Variants in DLG2 observed in about 807,000 individuals in gnomAD.
The protein encoded by DLG2 is disks large homolog 2.
A neutral mutation model predicts 132.5 loss-of-function variants in DLG2; 45 were observed. The observed-to-expected ratio is 0.34, with a 90% CI of 0.27 to 0.44. The LOEUF is 0.44. DLG2 is among the 20% of genes least tolerant of loss of function. The pLI is 1.00. For synonymous variants in DLG2, 424 were observed against 419.6 expected (o/e 1.01, Z -0.13); for missense variants, 1,045 against 1,196.9 (o/e 0.87, Z 1.87).
chr11:85,208,083 A>G (rs1022425064), intron 4 of DLG2, among the ~76,000 whole-genome samples: 1 of 152,102 alleles, frequency 6.6e-6, no homozygotes, highest in Non-Finnish European at 1.5e-5. Flanking sequence ...TAGATATTTT[A>G]TAGAACTTAC....
intron 3 of DLG2, among the ~76,000 whole-genome samples, chr11:85,349,184 T>C (rs2152875705): frequency 6.6e-6 from 1 of 152,200 alleles, no homozygotes; most frequent in East Asian, 1.9e-4. Flanking sequence ...TGTTTGTAGA[T>C]AAACAAATAC....
At chr11:83,463,495 A>G (rs1466911941) in intron 26 of DLG2, among the ~76,000 whole-genome samples, 1 of 152,252 alleles carries the variant, frequency 6.6e-6, no homozygotes, top group African/African-American at 2.4e-5. Context: ...CCAGATGTCA[A>G]GAAATCATGT....
intron 6 of DLG2, among the ~76,000 whole-genome samples, chr11:84,648,411 G>C (rs757969377): frequency 7.2e-5 from 11 of 152,160 alleles, no homozygotes; most frequent in Non-Finnish European, 1.5e-4. Context: ...GATGCAAGTA[G>C]ATAAAATTTG....
chr11:84,938,946 A>C (rs2049064165), intron 6 of DLG2, among the ~76,000 whole-genome samples: 1 of 152,250 alleles, frequency 6.6e-6, no homozygotes, highest in Non-Finnish European at 1.5e-5. Context: ...AAAATTAAGC[A>C]CATTCAAAAT....
At chr11:84,295,471 A>G (rs2098077732) in intron 7 of DLG2, among the ~76,000 whole-genome samples, 2 of 152,128 alleles carry the variant, frequency 1.3e-5, no homozygotes, top group Admixed American at 1.3e-4. Context: ...TTTTCACTGT[A>G]TTCTCTTCTG....
At chr11:83,485,326 T>C (rs1190100381) in intron 21 of DLG2, among the ~76,000 whole-genome samples, 1 of 152,182 alleles carries the variant, frequency 6.6e-6, no homozygotes, top group African/African-American at 2.4e-5. Context: ...GCAAATGTTT[T>C]GTGGGGTTTC....
At chr11:84,686,630 G>GTTTTTTTTTTTTTTTT (rs60618412) in intron 6 of DLG2, among the ~76,000 whole-genome samples, 2 of 113,806 alleles carry the variant, frequency 1.8e-5, no homozygotes, top group African/African-American at 3.4e-5. Context: ...TGGCCTTGAG[G>GTTTTTTTTTTTTTTTT]TTTTTTTTTT....
intron 10 of DLG2, among the ~76,000 whole-genome samples, chr11:84,097,982 C>G (rs1235900568): frequency 1.1e-4 from 16 of 151,184 alleles, no homozygotes. Flanking sequence ...TACTCTCTAT[C>G]ACTGAGAAGT....
chr11:84,292,048 A>G (rs2098007896), intron 7 of DLG2, among the ~76,000 whole-genome samples: 1 of 152,174 alleles, frequency 6.6e-6, no homozygotes, highest in African/African-American at 2.4e-5. Flanking sequence ...AATTGACATC[A>G]TGACGGAATG....
Position 84,116,820 on chromosome 11 carries a change from A to G in DLG2, c.625-17773T>C, listed in dbSNP as rs77129106. On this transcript the variant is annotated intron_variant, in intron 9 of 27. Coordinates refer to ENST00000376104, the MANE Select transcript of DLG2 (RefSeq NM_001142699.3). ...TCAGTATATTTTAAGTGTCAAATGA[A>G]TGTTAGAGGGACAAGTGAAACGTGC... Among the ~76,000 whole-genome samples the G allele has an allele frequency of 1.5e-3, 222 of 152,320 alleles. 1 individual carries two copies. The highest frequency in any genetic ancestry group is 5.1e-3 in the African/African-American group (210 of 41,578).
intron 18 of DLG2, among the ~76,000 whole-genome samples, chr11:83,691,344 G>A (rs1342055397): frequency 1.3e-5 from 2 of 152,080 alleles, no homozygotes; most frequent in African/African-American, 4.8e-5. Flanking sequence ...CTCCTATCTA[G>A]CTTTTAATAT....
intron 6 of DLG2, among the ~76,000 whole-genome samples, chr11:84,685,788 C>G (rs976415916): frequency 6.6e-5 from 10 of 152,204 alleles, no homozygotes; most frequent in African/African-American, 1.9e-4. Context: ...TCACTGCAAG[C>G]TCCGCCCCCT....
intron 11 of DLG2, among the ~76,000 whole-genome samples, chr11:84,030,633 T>C (rs1478305803): frequency 6.6e-6 from 1 of 152,170 alleles, no homozygotes; most frequent in East Asian, 1.9e-4. Context: ...GAGAAAGGGG[T>C]TCAATGGGTT....
chr11:84,113,869 T>C (rs1312735172), intron 9 of DLG2, among the ~76,000 whole-genome samples: 1 of 152,152 alleles, frequency 6.6e-6, no homozygotes, highest in East Asian at 1.9e-4. Context: ...AGAATGACCA[T>C]TTGTCAAGTT....
chr11:83,517,264 AT>A (rs1188393546), intron 21 of DLG2, among the ~76,000 whole-genome samples: 1 of 152,068 alleles, frequency 6.6e-6, no homozygotes, highest in Non-Finnish European at 1.5e-5. Flanking sequence ...GCTTCATTTC[AT>A]TCATTTGATC....
At chr11:84,181,770 T>C (rs2096134915) in intron 8 of DLG2, among the ~76,000 whole-genome samples, 1 of 152,174 alleles carries the variant, frequency 6.6e-6, no homozygotes, top group Middle Eastern at 3.2e-3. Context: ...CAAGATAAAT[T>C]ATCAGAGATA....
At chr11:84,946,809 G>T (rs2050264128) in intron 6 of DLG2, among the ~76,000 whole-genome samples, 2 of 152,150 alleles carry the variant, frequency 1.3e-5, no homozygotes, top group Admixed American at 6.5e-5. Context: ...CAGTTATTGT[G>T]GCCTTGACTG....
chr11:83,853,857 C>T lies in DLG2; in HGVS notation c.1566-20087G>A, dbSNP rs116404866. Among the ~76,000 whole-genome samples the T allele has an allele frequency of 5.5e-3, 838 of 152,228 alleles. 6 individuals are homozygous for T. The highest frequency in any genetic ancestry group is 0.019 in the African/African-American group (791 of 41,552). On this transcript the variant is annotated intron_variant, in intron 16 of 27. Coordinates refer to ENST00000376104, the MANE Select transcript of DLG2 (RefSeq NM_001142699.3). ...GTTCCCTTTCACCACCGCCTTTCGT[C>T]ATCATACTGCAAGTTCTAGTTAATA...
intron 3 of DLG2, among the ~76,000 whole-genome samples, chr11:85,561,766 A>AAGTCTTC (rs1290957218): frequency 6.6e-6 from 1 of 151,880 alleles, no homozygotes; most frequent in East Asian, 1.9e-4. Context: ...TCAGATCTCT[A>AAGTCTTC]AGTCTTCTCA....
Sources: allele counts gnomAD v4.1 joint callset (sites outside exome capture counted in the v4.1 genomes callset), GRCh38; gene constraint gnomAD v4.1.1; transcripts MANE v1.5; gene names NCBI Gene and HGNC (gene_info 2026-07-23, HGNC 2026-07-21).